Variants in USH2A observed in about 807,000 individuals in gnomAD.
The protein encoded by USH2A is Usher syndrome 2A (autosomal recessive, mild).
Under a neutral mutation model 538.9 loss-of-function variants are expected in USH2A, and 443 were observed. The ratio of observed to expected loss-of-function variants is 0.82; its 90% CI spans 0.76 to 0.89. The LOEUF (loss-of-function observed/expected upper bound fraction) is 0.89. Among genes scored for constraint, USH2A ranks in the 40% least tolerant of loss-of-function variants. USH2A has a pLI of 0.00. For synonymous variants in USH2A, 2,413 were observed against 2,273.5 expected, an observed-to-expected ratio of 1.06 and a Z score of -1.75; for missense variants, 6,633 against 6,324.8, an observed-to-expected ratio of 1.05 and a Z score of -1.65.
chr1:215,970,453 C>G (rs1297147533), intron 36 of USH2A, among the ~76,000 whole-genome samples, 172 bp downstream of exon 36: 1 of 152,014 alleles, frequency 6.6e-6, no homozygotes, highest in Non-Finnish European at 1.5e-5. Context: ...AAATTTATGT[C>G]GAATATAAAA....
intron 64 of USH2A, among the ~76,000 whole-genome samples, chr1:215,661,971 G>A (rs1404659543): frequency 1.3e-5 from 2 of 152,268 alleles, no homozygotes; most frequent in Admixed American, 6.5e-5. Context: ...TTATTCATGG[G>A]CATCTTTATT....
intron 49 of USH2A, among the ~76,000 whole-genome samples, chr1:215,800,343 G>A (rs771081439): frequency 1.6e-4 from 24 of 151,890 alleles, no homozygotes; most frequent in South Asian, 4.1e-4. Context: ...TTTCTCTACC[G>A]TTCTTTCTTG....
At chr1:215,829,369 A>C (rs1359466125) in intron 47 of USH2A, among the ~76,000 whole-genome samples, 1 of 152,212 alleles carries the variant, frequency 6.6e-6, no homozygotes, top group Non-Finnish European at 1.5e-5. Flanking sequence ...GGTACACTGC[A>C]CGCATATAAT....
chr1:216,097,012 G>A (rs2032456298), intron 22 of USH2A, 71 bp downstream of exon 22: 7 of 1,412,878 alleles, frequency 5.0e-6, no homozygotes, highest in Non-Finnish European at 6.8e-6. Flanking sequence ...TGTGAAAACA[G>A]AAGCATTTAC....
chr1:216,312,996 A>G (rs1157319452), intron 9 of USH2A, among the ~76,000 whole-genome samples: 1 of 151,992 alleles, frequency 6.6e-6, no homozygotes, highest in East Asian at 1.9e-4. Flanking sequence ...GTGGTCCCCA[A>G]TATTTTTGGC....
At chr1:215,985,649 C>A (rs2102470410) in intron 35 of USH2A, among the ~76,000 whole-genome samples, 1 of 152,098 alleles carries the variant, frequency 6.6e-6, no homozygotes, top group South Asian at 2.1e-4. Context: ...AACAGGAAAT[C>A]AAGTATTTAT....
At chr1:216,363,164 C>T (rs2038529151) in intron 4 of USH2A, among the ~76,000 whole-genome samples, 1 of 151,910 alleles carries the variant, frequency 6.6e-6, no homozygotes. Flanking sequence ...CATTAAAATC[C>T]AGCCCCATGC....
rs775354992 is a variant in USH2A at position 215,624,523 on chromosome 1, CAA to C, written c.*1256_*1257del. Reference sequence around the variant, plus strand: ...AAAGACCTTTAAGGATGAAGGAAGACAAGAGGTTTTCTTACTCTGTTTTCCAT... The same window carrying C: ...AAAGACCTTTAAGGATGAAGGAAGACGAGGTTTTCTTACTCTGTTTTCCAT... On this transcript the variant is annotated 3_prime_UTR_variant, in exon 72 of 72. Transcript: ENST00000307340. The C allele has an allele frequency of 3.3e-5, 5 of 152,128 alleles. No individual in the cohort carries two copies. The highest frequency in any genetic ancestry group is 6.6e-5 in the Admixed American group (1 of 15,262). The allele number at this position is 152,128 out of a possible 1,614,324, so 9.4% of individuals were successfully genotyped here. A position where few individuals can be genotyped will look rare whatever the true frequency, so the allele number is the denominator to read the frequency against.
rs780581599 is a variant in USH2A at position 216,394,720 on chromosome 1, C to CTTT, written c.651+23791_651+23793dup. 2.6e-4 allele frequency among the ~76,000 whole-genome samples: 31 copies of CTTT among 120,326 alleles called. 3 individuals carry two copies. The highest frequency in any genetic ancestry group is 8.4e-4 in the East Asian group (3 of 3,552). The allele number at this position is 120,326 out of a possible 152,430, so 78.9% of individuals were successfully genotyped here. The stretch of plus-strand genomic sequence containing the variant: ...CTTAAGGCCTAATAACTGGTCCAGT[C>CTTT]TTTTTTTTTTTTTTTTGAGACAGAG... On this transcript the variant is annotated intron_variant, in intron 3 of 71. Coordinates refer to ENST00000307340, the MANE Select transcript of USH2A (RefSeq NM_206933.4).
At chr1:215,820,755 T>C (rs1178837094) in intron 47 of USH2A, among the ~76,000 whole-genome samples, 1 of 151,710 alleles carries the variant, frequency 6.6e-6, no homozygotes, top group African/African-American at 2.4e-5. Flanking sequence ...CATGACCCTC[T>C]CAGGCCTCTG....
chr1:215,725,162 T>C (rs1283405968), intron 61 of USH2A, among the ~76,000 whole-genome samples: 4 of 152,062 alleles, frequency 2.6e-5, no homozygotes, highest in Non-Finnish European at 5.9e-5. Context: ...GCCTCTCAAA[T>C]AGTAAAAATA....
At chr1:216,084,630 A>G (rs2032062917) in intron 25 of USH2A, 68 bp downstream of exon 25, 2 of 1,543,674 alleles carry the variant, frequency 1.3e-6, no homozygotes, top group Admixed American at 3.4e-5. Flanking sequence ...CAAACAGGAG[A>G]GATTAAATTA....
At chr1:216,199,203 T>C (rs931903263) in intron 17 of USH2A, among the ~76,000 whole-genome samples, 1 of 152,192 alleles carries the variant, frequency 6.6e-6, no homozygotes, top group Admixed American at 6.5e-5. Context: ...ATTAACTTAA[T>C]GGAGTCAGTT....
At chr1:216,133,390 AG>A (rs2033416546) in intron 21 of USH2A, among the ~76,000 whole-genome samples, 1 of 152,118 alleles carries the variant, frequency 6.6e-6, no homozygotes. Context: ...GTCTACCTAC[AG>A]GGATAGCTGA....
chr1:216,148,241 C>T (rs2033753877), intron 21 of USH2A, among the ~76,000 whole-genome samples: 1 of 151,364 alleles, frequency 6.6e-6, no homozygotes, highest in African/African-American at 2.4e-5. Flanking sequence ...ACTCTGGTGC[C>T]AACTTAGACA....
At chr1:216,347,136 A>T (rs2038192046) in intron 4 of USH2A, among the ~76,000 whole-genome samples, 1 of 152,130 alleles carries the variant, frequency 6.6e-6, no homozygotes, top group African/African-American at 2.4e-5. Flanking sequence ...TGTTCAATTT[A>T]CCTACTTTGG....
At position 216,292,319 on chromosome 1, in the gene USH2A, G is replaced by A; in HGVS notation, c.1696C>T (p.Gln566Ter). ...GGTTTACAATTGAAAGCGTAAACTT[G>A]ATCACCTTGGCGGAAAGGCTTGTCA... is the stretch of plus-strand genomic sequence containing the variant. ...YNDKPFRQGD[Q>*]VYAFNCKPCQ... Residue 566 changes from glutamine to a stop codon, truncating the protein, a stop_gained, in exon 10 of 72, where the codon CAA (glutamine) becomes TAA (stop). Coordinates refer to ENST00000307340, the MANE Select transcript of USH2A (RefSeq NM_206933.4). LOFTEE classifies it high-confidence loss of function. The A allele has an allele frequency of 2.5e-6, 4 of 1,613,994 alleles. No individual in the cohort carries two copies. Among genetic ancestry groups the A allele is most frequent in the South Asian group, 1.1e-5 (1 of 91,062 alleles).
chr1:216,413,147 G>C (rs906979132), intron 3 of USH2A, among the ~76,000 whole-genome samples: 1 of 151,846 alleles, frequency 6.6e-6, no homozygotes, highest in Non-Finnish European at 1.5e-5. Context: ...ATAAAGAGAA[G>C]GCTTTGCACA....
chr1:215,673,923 C>T (rs1354288105), intron 63 of USH2A, among the ~76,000 whole-genome samples, 177 bp downstream of exon 63: 1 of 152,106 alleles, frequency 6.6e-6, no homozygotes, highest in Admixed American at 6.6e-5. Context: ...GGAGGTTATG[C>T]AAGCAGGCTT....
Sources: allele counts gnomAD v4.1 joint callset (sites outside exome capture counted in the v4.1 genomes callset), GRCh38; gene constraint gnomAD v4.1.1; transcripts MANE v1.5; gene names NCBI Gene and HGNC (gene_info 2026-07-23, HGNC 2026-07-21).